The following CFAP54 variants were observed in gnomAD, a reference collection of about 807,000 sequenced individuals.
CFAP54 encodes the protein cilia and flagella associated protein 54.
In CFAP54, 290 loss-of-function variants were observed where a neutral mutation model predicts 370.4. The ratio of observed to expected loss-of-function variants is 0.78; its 90% CI spans 0.71 to 0.86. The LOEUF (loss-of-function observed/expected upper bound fraction) is 0.86. Ranked by LOEUF, CFAP54 falls within the 40% of genes least tolerant of loss-of-function variation. The pLI is 0.00. For missense variants in CFAP54, 3,399 were observed against 3,528.7 expected (o/e 0.96, Z 0.93); for synonymous variants, 1,206 against 1,236.5 (o/e 0.98, Z 0.52).
chr12:96,616,132 G>T (rs1357057647), intron 26 of CFAP54, among the ~76,000 whole-genome samples: 1 of 152,206 alleles, frequency 6.6e-6, no homozygotes, highest in East Asian at 1.9e-4. Flanking sequence ...AACAATGATA[G>T]ATTGGATTAA....
chr12:96,589,340 G>A lies in CFAP54; in HGVS notation c.3076-87G>A, dbSNP rs78306808. On this transcript the variant is annotated intron_variant, in intron 22 of 67. Transcript: ENST00000524981. ...GTGTGATAGCACCTTATAAAATGCT[G>A]TCATAGATTGTATATTTTAAGAATT... 154 of 1,096,636 alleles carry A rather than the reference G, an allele frequency of 1.4e-4. 1 individual carries two copies. The African/African-American group carries it at 2.1e-3, about 15-fold the overall frequency. The allele number at this position is 1,096,636 out of a possible 1,614,324, so 67.9% of individuals were successfully genotyped here.
At chr12:96,832,433 C>T (rs914731625) in intron 66 of CFAP54, among the ~76,000 whole-genome samples, 3 of 152,056 alleles carry the variant, frequency 2.0e-5, no homozygotes, top group African/African-American at 7.2e-5. Context: ...TATTTAACTT[C>T]TCTAAGCCTC....
rs1955531416 is a variant in CFAP54 at position 96,538,401 on chromosome 12, A to G, written c.1809A>G (p.Lys603=). The change falls in exon 13 of 68, where the codon AAA becomes AAG. Residue 603 remains lysine, a synonymous_variant. Transcript: ENST00000524981. The stretch of plus-strand genomic sequence containing the variant: ...GTTTTTAGGATGTTCAACCTGATAA[A>G]GAAATTGTTGTGGACACGATAATGT... ...CTAPQDVQPD[K]EIVVDTIMFL... The G allele has an allele frequency of 6.5e-7, 1 of 1,534,968 alleles. No homozygotes were observed. Among genetic ancestry groups the G allele is most frequent in the African/African-American group, 1.4e-5 (1 of 73,110 alleles).
intron 65 of CFAP54, among the ~76,000 whole-genome samples, chr12:96,823,827 C>A (rs1297159145): frequency 6.6e-6 from 1 of 152,176 alleles, no homozygotes; most frequent in African/African-American, 2.4e-5. Flanking sequence ...AAGGTAGGGG[C>A]AGCACCTCGC....
chr12:96,604,856 G>A (rs562910396), intron 26 of CFAP54, among the ~76,000 whole-genome samples: 3 of 152,360 alleles, frequency 2.0e-5, no homozygotes, highest in African/African-American at 7.2e-5. Context: ...GGGCAGAAGT[G>A]TACCGTTCCT....
chr12:96,857,784 T>A (rs1485502689), intron 66 of CFAP54, among the ~76,000 whole-genome samples: 1 of 152,164 alleles, frequency 6.6e-6, no homozygotes, highest in African/African-American at 2.4e-5. Context: ...GTGCTTGCTT[T>A]CCCTTTGCTT....
At chr12:96,590,663 G>A (rs1956115224) in intron 23 of CFAP54, among the ~76,000 whole-genome samples, 1 of 152,220 alleles carries the variant, frequency 6.6e-6, no homozygotes, top group Non-Finnish European at 1.5e-5. Flanking sequence ...GAAGAGACAG[G>A]ACTTAGATAT....
chr12:96,641,765 C>G (rs1956730590), intron 32 of CFAP54, among the ~76,000 whole-genome samples: 1 of 152,164 alleles, frequency 6.6e-6, no homozygotes, highest in Admixed American at 6.5e-5. Context: ...ATGATGAGTT[C>G]ATGTCCTTCG....
chr12:96,518,042 AT>A (rs1955258855), intron 5 of CFAP54, among the ~76,000 whole-genome samples: 1 of 152,234 alleles, frequency 6.6e-6, no homozygotes, highest in African/African-American at 2.4e-5. Flanking sequence ...TTTTCCTAGC[AT>A]GTCATGTACG....
At chr12:96,826,140 C>T (rs1959099495) in intron 65 of CFAP54, among the ~76,000 whole-genome samples, 1 of 145,268 alleles carries the variant, frequency 6.9e-6, no homozygotes, top group African/African-American at 2.5e-5. Flanking sequence ...CTGGTTAAAA[C>T]CTTGAAATAA....
At chr12:96,571,588 G>A (rs1318109000) in intron 19 of CFAP54, among the ~76,000 whole-genome samples, 1 of 152,112 alleles carries the variant, frequency 6.6e-6, no homozygotes, top group Non-Finnish European at 1.5e-5. Flanking sequence ...ATTAGAGAAT[G>A]GTTTATCTAG....
At chr12:96,755,879 G>A (rs1302068389) in intron 56 of CFAP54, among the ~76,000 whole-genome samples, 1 of 151,964 alleles carries the variant, frequency 6.6e-6, no homozygotes, top group Non-Finnish European at 1.5e-5. Context: ...TGTTGGGCAG[G>A]CTGGTCTCGA....
chr12:96,860,085 C>A (rs1014463009), intron 66 of CFAP54, among the ~76,000 whole-genome samples: 3 of 149,882 alleles, frequency 2.0e-5, no homozygotes, highest in African/African-American at 7.4e-5. Context: ...AAATGAATGA[C>A]TGGCTTATTT....
At chr12:96,666,553 G>A (rs1052097066) in intron 39 of CFAP54, among the ~76,000 whole-genome samples, 17 of 152,174 alleles carry the variant, frequency 1.1e-4, no homozygotes, top group East Asian at 7.7e-4. Context: ...CTTACATGGC[G>A]GCAAGCTGGA....
At chr12:96,517,866 G>C (rs1367203763) in intron 5 of CFAP54, among the ~76,000 whole-genome samples, 1 of 152,228 alleles carries the variant, frequency 6.6e-6, no homozygotes, top group East Asian at 1.9e-4. Flanking sequence ...TATTTACCCT[G>C]GACGAGAGAG....
chr12:96,745,375 C>T (rs1431080112), intron 55 of CFAP54, among the ~76,000 whole-genome samples: 3 of 152,118 alleles, frequency 2.0e-5, no homozygotes, highest in Non-Finnish European at 2.9e-5. Context: ...TAATAATAGC[C>T]ATTCTGACTG....
chr12:96,799,439 G>A (rs1348920612), intron 63 of CFAP54, among the ~76,000 whole-genome samples: 4 of 152,016 alleles, frequency 2.6e-5, no homozygotes, highest in Non-Finnish European at 4.4e-5. Context: ...CTCTAGCTGC[G>A]CCTCTGGTAG....
chr12:96,661,302 T>G (rs1956992209), intron 38 of CFAP54, among the ~76,000 whole-genome samples: 1 of 152,196 alleles, frequency 6.6e-6, no homozygotes, highest in Non-Finnish European at 1.5e-5. Flanking sequence ...ACTTTGGAGA[T>G]TCCAAGGATT....
chr12:96,654,733 C>T (rs918138934), intron 36 of CFAP54, among the ~76,000 whole-genome samples: 1 of 152,076 alleles, frequency 6.6e-6, no homozygotes, highest in Non-Finnish European at 1.5e-5. Flanking sequence ...TGCTATCTAC[C>T]TTTCCACTGT....
Sources: allele counts gnomAD v4.1 joint callset (sites outside exome capture counted in the v4.1 genomes callset), GRCh38; gene constraint gnomAD v4.1.1; transcripts MANE v1.5; gene names NCBI Gene and HGNC (gene_info 2026-07-23, HGNC 2026-07-21).